DNM3: variants seen among roughly 807,000 people sequenced by gnomAD.
DNM3 encodes the protein dynamin 3, also known as dynamin-3.
A neutral mutation model predicts 101.6 loss-of-function variants in DNM3; 47 were observed. The ratio of observed to expected loss-of-function variants is 0.46; its 90% CI spans 0.37 to 0.59. The LOEUF is 0.59. Among genes scored for constraint, DNM3 ranks in the 20% least tolerant of loss-of-function variants. The pLI is 0.00. For missense variants in DNM3, 849 were observed against 1,085.7 expected, an observed-to-expected ratio of 0.78 and a Z score of 3.06; for synonymous variants, 385 against 387.9, an observed-to-expected ratio of 0.99 and a Z score of 0.09.
chr1:171,901,723 T>G (rs1013347494), intron 1 of DNM3, among the ~76,000 whole-genome samples: 6 of 152,210 alleles, frequency 3.9e-5, no homozygotes, highest in Admixed American at 3.3e-4. Context: ...AAATGAATGC[T>G]CCATCAAGAA....
chr1:171,851,469 A>C (rs2032954637), intron 1 of DNM3, among the ~76,000 whole-genome samples: 1 of 152,200 alleles, frequency 6.6e-6, no homozygotes, highest in Admixed American at 6.5e-5. Context: ...AAGTGCAGTG[A>C]GTGGCATGAT....
At chr1:171,861,941 C>T (rs1174607241) in intron 1 of DNM3, among the ~76,000 whole-genome samples, 1 of 152,032 alleles carries the variant, frequency 6.6e-6, no homozygotes, top group Non-Finnish European at 1.5e-5. Flanking sequence ...ACTTGATTTT[C>T]TAAAGAATGT....
intron 13 of DNM3, among the ~76,000 whole-genome samples, chr1:172,120,775 A>G (rs2056257015): frequency 6.6e-6 from 1 of 152,134 alleles, no homozygotes; most frequent in Non-Finnish European, 1.5e-5. Context: ...ATAACTTTAC[A>G]TTTATCTGTG....
At chr1:172,357,915 A>G (rs1294752550) in intron 17 of DNM3, among the ~76,000 whole-genome samples, 2 of 152,080 alleles carry the variant, frequency 1.3e-5, no homozygotes, top group African/African-American at 4.8e-5. Context: ...ACATCAATGC[A>G]TGGCTTCAGG....
intron 2 of DNM3, among the ~76,000 whole-genome samples, chr1:171,937,286 T>C (rs959122243): frequency 6.6e-6 from 1 of 152,192 alleles, no homozygotes; most frequent in African/African-American, 2.4e-5. Flanking sequence ...ATGTTTTTTT[T>C]TTTCCATTGT....
chr1:172,406,763 G>A (rs1164502335), intron 20 of DNM3, among the ~76,000 whole-genome samples: 2 of 151,626 alleles, frequency 1.3e-5, no homozygotes, highest in Non-Finnish European at 2.9e-5. Context: ...CCTGAGAAAG[G>A]ACATTCAATT....
chr1:172,116,563 C>T (rs2055909654), intron 13 of DNM3, among the ~76,000 whole-genome samples: 1 of 152,152 alleles, frequency 6.6e-6, no homozygotes, highest in Admixed American at 6.5e-5. Context: ...ATGGAGATTC[C>T]CTTCTTTCTC....
intron 4 of DNM3, among the ~76,000 whole-genome samples, chr1:172,003,664 A>G (rs139352761): frequency 1.6e-3 from 238 of 152,048 alleles, no homozygotes; most frequent in African/African-American, 5.6e-3. Context: ...CATTGAGATA[A>G]GAGTGAAGTA....
intron 17 of DNM3, among the ~76,000 whole-genome samples, chr1:172,350,317 TG>T (rs1165413084): frequency 9.1e-3 from 4 of 440 alleles, no homozygotes; most frequent in Non-Finnish European, 0.033. Context: ...CATTTTATCT[TG>T]TGTGTGTGTG....
intron 17 of DNM3, chr1:172,376,686 C>CA (rs2068620874): frequency 1.3e-5 from 2 of 152,012 alleles, no homozygotes; most frequent in South Asian, 4.1e-4. Flanking sequence ...TGTGACTCCC[C>CA]ATCATGTCCA....
chr1:171,859,926 G>A (rs1029629559), intron 1 of DNM3, among the ~76,000 whole-genome samples: 3 of 152,116 alleles, frequency 2.0e-5, no homozygotes, highest in African/African-American at 4.8e-5. Flanking sequence ...TCTGTGTGTT[G>A]GAGGAACTTA....
intron 16 of DNM3, among the ~76,000 whole-genome samples, chr1:172,314,482 G>C (rs895601828): frequency 2.0e-5 from 3 of 152,160 alleles, no homozygotes; most frequent in African/African-American, 7.2e-5. Context: ...CCCTTTCCTG[G>C]TCAAGGAAAG....
intron 14 of DNM3, among the ~76,000 whole-genome samples, chr1:172,192,583 G>A (rs374474683): frequency 7.3e-6 from 1 of 136,286 alleles, no homozygotes; most frequent in South Asian, 2.3e-4. Flanking sequence ...GTGTCCATGT[G>A]TTCTCATTGT....
intron 13 of DNM3, among the ~76,000 whole-genome samples, chr1:172,123,846 C>T: frequency 6.6e-6 from 1 of 152,154 alleles, no homozygotes; most frequent in Non-Finnish European, 1.5e-5. Flanking sequence ...CCAACCAGGG[C>T]TGTGGCTATC....
chr1:171,913,562 G>T (rs755815905), intron 1 of DNM3, among the ~76,000 whole-genome samples: 3 of 152,148 alleles, frequency 2.0e-5, no homozygotes. Context: ...CCGGATTTGG[G>T]CATGAAAGTA....
intron 15 of DNM3, among the ~76,000 whole-genome samples, chr1:172,296,588 T>C (rs1366293945): frequency 6.6e-6 from 1 of 152,246 alleles, no homozygotes; most frequent in Non-Finnish European, 1.5e-5. Flanking sequence ...TTCTTGTTGC[T>C]GTAGGGGAAT....
chr1:172,134,139 G>A (rs1275502106), intron 14 of DNM3, among the ~76,000 whole-genome samples: 1 of 152,146 alleles, frequency 6.6e-6, no homozygotes, highest in Non-Finnish European at 1.5e-5. Flanking sequence ...GATGGTGGCT[G>A]GGTAGTAGCT....
intron 20 of DNM3, among the ~76,000 whole-genome samples, chr1:172,401,929 C>G (rs1280986968): frequency 6.6e-6 from 1 of 152,106 alleles, no homozygotes; most frequent in Non-Finnish European, 1.5e-5. Context: ...AAAATTTGTT[C>G]TCTTAGAGCA....
chr1:172,008,850 A>C (rs1037455136), intron 4 of DNM3, among the ~76,000 whole-genome samples: 1 of 138,992 alleles, frequency 7.2e-6, no homozygotes, highest in Non-Finnish European at 1.5e-5. Context: ...TTAATATATT[A>C]TATTATATTA....
Sources: allele counts gnomAD v4.1 joint callset (sites outside exome capture counted in the v4.1 genomes callset), GRCh38; gene constraint gnomAD v4.1.1; transcripts MANE v1.5; gene names NCBI Gene and HGNC (gene_info 2026-07-23, HGNC 2026-07-21).